MRPL55: variants seen among roughly 807,000 people sequenced by gnomAD.
MRPL55 encodes mitochondrial ribosomal protein L55, also known as large ribosomal subunit protein mL55.
A neutral mutation model predicts 10.6 loss-of-function variants in MRPL55; 7 were observed. The observed-to-expected ratio is 0.66, with a 90% confidence interval of 0.38 to 1.24. MRPL55 has a LOEUF of 1.24. Ranked by LOEUF, MRPL55 falls within the 50% of genes most tolerant of loss-of-function variation. The probability of loss-of-function intolerance (pLI) is 0.02; values close to 1 mark genes in which losing one functional copy is unlikely to be tolerated. For synonymous variants in MRPL55, 57 were observed against 71.8 expected, an observed-to-expected ratio of 0.79 and a Z score of 1.04; for missense variants, 148 against 180.3, an observed-to-expected ratio of 0.82 and a Z score of 1.03.
intron 3 of MRPL55, 108 bp from the exon 4 acceptor site, chr1:228,107,977 C>T (rs1214503217): frequency 1.9e-6 from 3 of 1,552,386 alleles, no homozygotes; most frequent in Middle Eastern, 1.7e-4. Flanking sequence ...GAGACATTAC[C>T]AGAGCTGGTG....
rs1160739289 is a variant in MRPL55, at chr1:228,108,318, C to T, written c.-58G>A. Reference sequence around the variant, plus strand: ...GGTCAGTACAGGCCCTGGCGTGCAACCTGCTAGGCAGAGAATGAAGAGATC... The same window carrying T: ...GGTCAGTACAGGCCCTGGCGTGCAATCTGCTAGGCAGAGAATGAAGAGATC... On this transcript the variant is annotated splice_region_variant and 5_prime_UTR_variant, in exon 3 of 5. Transcript: ENST00000336520. 2.6e-6 allele frequency: 4 copies of T among 1,548,330 alleles called. No homozygotes were observed. The highest frequency in any genetic ancestry group is 1.9e-5 in the Admixed American group (1 of 51,442).
intron 4 of MRPL55, 106 bp from the exon 5 acceptor site, chr1:228,107,024 C>T: frequency 1.2e-6 from 1 of 802,196 alleles, no homozygotes; most frequent in Non-Finnish European, 2.0e-6. Flanking sequence ...CCATCCTATG[C>T]TAGCTTAATT....
At chr1:228,106,957 G>C in intron 4 of MRPL55, 39 bp from the exon 5 acceptor site, 1 of 1,579,438 alleles carries the variant, frequency 6.3e-7, no homozygotes, top group Non-Finnish European at 8.7e-7. Context: ...TGTGGATCGA[G>C]GGACCTTGAG....
At chr1:228,108,687 A>C (rs2033462352) in intron 2 of MRPL55, 1 of 196,532 alleles carries the variant, frequency 5.1e-6, no homozygotes, top group South Asian at 9.1e-5. Context: ...GAGGATTGTC[A>C]TGCTTGCTTA....
In MRPL55 at chr1:228,107,558, G is replaced by A. The variant is rs552298999; in HGVS notation, c.228+110C>T. On this transcript the variant is annotated intron_variant, in intron 4 of 4. Coordinates refer to ENST00000336520, the MANE Select transcript of MRPL55 (RefSeq NM_181463.3). ...CTGCTCCCCTGACTCCTGTCATGTGGTACAGTGACCACAGCCACATGTCCA... is the reference window on the plus strand; with the variant it reads ...CTGCTCCCCTGACTCCTGTCATGTGATACAGTGACCACAGCCACATGTCCA... 17 of 994,988 alleles carry A rather than the reference G, an allele frequency of 1.7e-5. No individual in the cohort carries two copies. The East Asian group carries it at 4.4e-4, about 26-fold the overall frequency. 61.6% of individuals were successfully genotyped at this position (994,988 alleles called of 1,614,324 possible). A position where few individuals can be genotyped will look rare whatever the true frequency, so the allele number is the denominator to read the frequency against.
chr1:228,107,456 A>T (rs1313973353), intron 4 of MRPL55, among the ~76,000 whole-genome samples: 2 of 152,120 alleles, frequency 1.3e-5, no homozygotes, highest in Non-Finnish European at 2.9e-5. Flanking sequence ...AAAACACACT[A>T]CTGGTTAGTC....
Position 228,109,253 on chromosome 1 carries a change from G to A in MRPL55, c.-230C>T, listed in dbSNP as rs987074124. ...GGACGAGGCCACGCAGGAGATCAAGGTACTCACTGCGTTGGGTGCTGCTGC... is the reference window on the plus strand; with the variant it reads ...GGACGAGGCCACGCAGGAGATCAAGATACTCACTGCGTTGGGTGCTGCTGC... On this transcript the variant is annotated 5_prime_UTR_variant, in exon 1 of 5. Coordinates refer to ENST00000336520, the MANE Select transcript of MRPL55 (RefSeq NM_181463.3). 6.6e-6 allele frequency: 1 copy of A among 152,498 alleles called. No homozygotes were observed. The allele number at this position is 152,498 out of a possible 1,614,324, so 9.4% of individuals were successfully genotyped here. A position where few individuals can be genotyped will look rare whatever the true frequency, so the allele number is the denominator to read the frequency against.
intron 4 of MRPL55, 73 bp from the exon 5 acceptor site, chr1:228,106,991 G>A (rs1384905556): frequency 1.6e-6 from 2 of 1,262,438 alleles, no homozygotes; most frequent in Non-Finnish European, 2.2e-6. Flanking sequence ...ACAGCCCAAG[G>A]CCTTCCTCTC....
intron 2 of MRPL55, 41 bp from the exon 3 acceptor site, chr1:228,108,359 G>T: frequency 7.6e-7 from 1 of 1,314,538 alleles, no homozygotes. Context: ...TAAAAGGAAG[G>T]TTCTTCCACC....
At chr1:228,107,643 G>C in intron 4 of MRPL55, 25 bp downstream of exon 4, 2 of 1,610,554 alleles carry the variant, frequency 1.2e-6, no homozygotes, top group Non-Finnish European at 1.7e-6. Context: ...CCGGCACCTG[G>C]AAGCACCTGG....
At chr1:228,108,049 G>A (rs775793719) in intron 3 of MRPL55, 180 bp from the exon 4 acceptor site, 196 of 1,544,192 alleles carry the variant, frequency 1.3e-4, no homozygotes, top group Non-Finnish European at 1.6e-4. Context: ...GTGGTCAGAG[G>A]CGTTCTGGCC....
chr1:228,108,871 G>C (rs1398609626), intron 2 of MRPL55, 84 bp downstream of exon 2: 1 of 152,742 alleles, frequency 6.5e-6, no homozygotes, highest in Non-Finnish European at 1.5e-5. Flanking sequence ...CACCAAGGAA[G>C]GGACCTGAAG....
rs760580888 is a variant in MRPL55, at chr1:228,107,678, C to A, written c.218G>T (p.Arg73Leu). 9 of 1,612,822 alleles carry A rather than the reference C, an allele frequency of 5.6e-6. No homozygotes were observed. Among genetic ancestry groups the A allele is most frequent in the African/African-American group, 2.7e-5 (2 of 75,054 alleles). ...TIHIRYREPR[R>L]MLAMPIDLDT... Reference sequence around the variant, plus strand: ...GAGAGGGAAGCTTACCGCCAGCATGCGCCGTGGCTCCCTGTAGCGGATGTG... The same window carrying A: ...GAGAGGGAAGCTTACCGCCAGCATGAGCCGTGGCTCCCTGTAGCGGATGTG... Residue 73 changes from arginine to leucine, a missense_variant, in exon 4 of 5, where the codon CGC becomes CTC. Coordinates refer to ENST00000336520, the MANE Select transcript of MRPL55 (RefSeq NM_181463.3).
chr1:228,108,719 C>G (rs2033467724), intron 2 of MRPL55: 1 of 173,118 alleles, frequency 5.8e-6, no homozygotes, highest in African/African-American at 2.4e-5. Flanking sequence ...AGGCCCAGGG[C>G]TGCTTTGCTG....
rs548426218 is a variant in MRPL55 at position 228,107,635 on chromosome 1, G to T, written c.228+33C>A. 5 of 1,606,390 alleles carry T rather than the reference G, an allele frequency of 3.1e-6. No individual in the cohort carries two copies. The South Asian group carries it at 5.5e-5, about 18-fold the overall frequency. On this transcript the variant is annotated intron_variant, in intron 4 of 4. Coordinates refer to ENST00000336520, the MANE Select transcript of MRPL55 (RefSeq NM_181463.3). Reference sequence around the variant, plus strand: ...CCCACCACAGCCTCGACCCCAGCCCGGCACCTGGAAGCACCTGGAGAGGGA... The same window carrying T: ...CCCACCACAGCCTCGACCCCAGCCCTGCACCTGGAAGCACCTGGAGAGGGA...
rs764415712 is a variant in MRPL55 at position 228,107,942 on chromosome 1, G to A, written c.27-73C>T. 4.1e-5 allele frequency: 65 copies of A among 1,583,844 alleles called. No homozygotes were observed. The South Asian group carries it at 6.2e-4, about 15-fold the overall frequency. The stretch of plus-strand genomic sequence containing the variant: ...AGTGCCAACATGACTGAGGCTGGCT[G>A]TGATTGGGCACTGCCGGGCCACAGG... On this transcript the variant is annotated intron_variant, in intron 3 of 4. Transcript: ENST00000336520.
At position 228,107,655 on chromosome 1, in the gene MRPL55, G is replaced by A. The variant is rs568230183; in HGVS notation, c.228+13C>T. On this transcript the variant is annotated intron_variant, in intron 4 of 4. Transcript: ENST00000336520. ...AGCCCGGCACCTGGAAGCACCTGGA[G>A]AGGGAAGCTTACCGCCAGCATGCGC... The A allele has an allele frequency of 1.9e-6, 3 of 1,612,072 alleles. No individual in the cohort carries two copies. The highest frequency in any genetic ancestry group is 1.3e-5 in the African/African-American group (1 of 75,034).
chr1:228,107,778 G>C lies in MRPL55; in HGVS notation c.118C>G (p.Leu40Val). Reference protein sequence around the residue: ...SWRADSSRASLTRVHRQAYAR... With the variant: ...SWRADSSRASVTRVHRQAYAR... ...TAAGCCTGGCGGTGCACACGAGTGA[G>C]TGAGGCCCTGCTGCTGTCAGCTCGC... Residue 40 changes from leucine to valine, a missense_variant, in exon 4 of 5, where the codon CTC becomes GTC. Transcript: ENST00000336520. 1 of 1,613,312 alleles carries C rather than the reference G, an allele frequency of 6.2e-7. No homozygotes were observed. The highest frequency in any genetic ancestry group is 8.5e-7 in the Non-Finnish European group (1 of 1,180,044).
At chr1:228,108,359 G>C in intron 2 of MRPL55, 41 bp from the exon 3 acceptor site, 2 of 1,314,538 alleles carry the variant, frequency 1.5e-6, no homozygotes, top group Non-Finnish European at 2.1e-6. Context: ...TAAAAGGAAG[G>C]TTCTTCCACC....
Sources: gnomAD v4.1 joint callset for allele counts (sites outside exome capture counted in the v4.1 genomes callset) on GRCh38, gnomAD v4.1.1 for gene constraint, MANE v1.5 for transcripts, NCBI Gene and HGNC (gene_info 2026-07-23, HGNC 2026-07-21) for gene names.